Variants in ZNF804B observed in about 807,000 individuals in gnomAD.
ZNF804B encodes zinc finger protein 804B.
Under a neutral mutation model 101.4 loss-of-function variants are expected in ZNF804B, and 80 were observed. That is an observed-to-expected ratio of 0.79 (90% confidence interval 0.66 to 0.95). The LOEUF (loss-of-function observed/expected upper bound fraction) is 0.95. Ranked by LOEUF, ZNF804B falls within the 40% of genes least tolerant of loss-of-function variation. The probability of loss-of-function intolerance (pLI) is 0.00; values close to 1 mark genes in which losing one functional copy is unlikely to be tolerated. For synonymous variants in ZNF804B, 622 were observed against 558.8 expected, an observed-to-expected ratio of 1.11 and a Z score of -1.59; for missense variants, 1,673 against 1,561.9, an observed-to-expected ratio of 1.07 and a Z score of -1.20.
intron 1 of ZNF804B, among the ~76,000 whole-genome samples, chr7:89,097,464 C>T (rs1253383372): frequency 6.6e-6 from 1 of 152,162 alleles, no homozygotes. Context: ...AGAGTGCCAA[C>T]AGGCACCAAA....
chr7:88,824,386 T>C (rs1791026495), intron 1 of ZNF804B, among the ~76,000 whole-genome samples: 1 of 152,146 alleles, frequency 6.6e-6, no homozygotes, highest in African/African-American at 2.4e-5. Context: ...GCTGCCTCCA[T>C]GTGAAGAAGG....
chr7:88,965,499 G>T (rs1415175248), intron 1 of ZNF804B, among the ~76,000 whole-genome samples: 4 of 151,434 alleles, frequency 2.6e-5, no homozygotes, highest in African/African-American at 7.3e-5. Flanking sequence ...CAGTGATGAG[G>T]AGCCTTATGT....
chr7:88,768,255 A>C (rs1200906458), intron 1 of ZNF804B, among the ~76,000 whole-genome samples: 1 of 152,216 alleles, frequency 6.6e-6, no homozygotes, highest in Non-Finnish European at 1.5e-5. Flanking sequence ...CTTATGATTT[A>C]AAAACCACTT....
intron 1 of ZNF804B, among the ~76,000 whole-genome samples, chr7:88,875,491 C>T (rs976900644): frequency 4.4e-4 from 67 of 152,084 alleles, no homozygotes; most frequent in African/African-American, 1.0e-3. Flanking sequence ...ACCACCGATC[C>T]CACAGAAATA....
At chr7:89,012,226 G>A (rs903555919) in intron 1 of ZNF804B, among the ~76,000 whole-genome samples, 10 of 152,030 alleles carry the variant, frequency 6.6e-5, no homozygotes, top group East Asian at 3.9e-4. Flanking sequence ...AAAGGCCCTG[G>A]GCCCTGGCCA....
At chr7:88,921,393 TTG>T (rs1289163317) in intron 1 of ZNF804B, among the ~76,000 whole-genome samples, 1 of 152,106 alleles carries the variant, frequency 6.6e-6, no homozygotes, top group African/African-American at 2.4e-5. Flanking sequence ...ATTCACATTT[TTG>T]GCCCAGAGTA....
At chr7:89,047,573 A>T (rs539640076) in intron 1 of ZNF804B, among the ~76,000 whole-genome samples, 3 of 152,334 alleles carry the variant, frequency 2.0e-5, no homozygotes, top group Non-Finnish European at 4.4e-5. Flanking sequence ...AGAATAAGAT[A>T]GTAATTTATG....
chr7:88,947,535 A>G (rs1402336734), intron 1 of ZNF804B, among the ~76,000 whole-genome samples: 3 of 151,586 alleles, frequency 2.0e-5, no homozygotes, highest in South Asian at 2.1e-4. Context: ...GGCTAGGGGA[A>G]GGGAGGGGTA....
At position 88,958,621 on chromosome 7, in the gene ZNF804B, T is replaced by A. The variant is rs896012643; in HGVS notation, c.108+198537T>A. 4.6e-5 allele frequency among the ~76,000 whole-genome samples: 7 copies of A among 151,556 alleles called. No individual in the cohort carries two copies. In the South Asian group the frequency reaches 8.3e-4, roughly 18 times the overall value. On this transcript the variant is annotated intron_variant, in intron 1 of 3. Transcript: ENST00000333190. ...GCCACCTTGTGGCTCACCATATGTG[T>A]GATTATAATATTTCTGACTTTGAAT... is the stretch of plus-strand genomic sequence containing the variant.
At chr7:88,991,095 CTG>C (rs1461570156) in intron 1 of ZNF804B, among the ~76,000 whole-genome samples, 1 of 152,058 alleles carries the variant, frequency 6.6e-6, no homozygotes, top group East Asian at 1.9e-4. Flanking sequence ...CTTAAAAACA[CTG>C]GGGTTGAAAA....
chr7:89,176,784 G>T (rs1413609160), intron 1 of ZNF804B, among the ~76,000 whole-genome samples: 1 of 150,884 alleles, frequency 6.6e-6, no homozygotes, highest in Admixed American at 6.6e-5. Context: ...TTCCTTGGTG[G>T]GAGACTTTTT....
At chr7:88,972,869 A>G (rs1398436794) in intron 1 of ZNF804B, among the ~76,000 whole-genome samples, 1 of 151,440 alleles carries the variant, frequency 6.6e-6, no homozygotes, top group Non-Finnish European at 1.5e-5. Context: ...AGGAGTACAT[A>G]TAGCGTTATG....
chr7:89,241,586 TA>T (rs1789372661), intron 2 of ZNF804B, among the ~76,000 whole-genome samples: 1 of 152,164 alleles, frequency 6.6e-6, no homozygotes, highest in African/African-American at 2.4e-5. Flanking sequence ...CTAGTTAAAA[TA>T]AATGCTGTCT....
intron 1 of ZNF804B, among the ~76,000 whole-genome samples, chr7:88,809,304 CATCTATCTATCTATCTATCT>C (rs58545685): frequency 0.044 from 6,547 of 148,126 alleles, 198 homozygotes; most frequent in African/African-American, 0.076. Context: ...TATTGCTTGT[CATCTATCTATCTATCTATCT>C]ATCTATCTAT....
At chr7:88,955,232 A>G (rs1367364733) in intron 1 of ZNF804B, among the ~76,000 whole-genome samples, 1 of 151,658 alleles carries the variant, frequency 6.6e-6, no homozygotes, top group Non-Finnish European at 1.5e-5. Flanking sequence ...TGAGTCCTCA[A>G]TAGAAAAAAT....
chr7:88,785,568 A>G (rs144446636), intron 1 of ZNF804B, among the ~76,000 whole-genome samples: 62 of 152,188 alleles, frequency 4.1e-4, no homozygotes, highest in African/African-American at 1.3e-3. Context: ...TTCCATTTCT[A>G]TTAAGATAAG....
intron 1 of ZNF804B, among the ~76,000 whole-genome samples, chr7:88,844,900 T>C (rs1791346229): frequency 6.6e-6 from 1 of 152,246 alleles, no homozygotes; most frequent in South Asian, 2.1e-4. Flanking sequence ...ATTTTGTCTC[T>C]TGAATAAACA....
chr7:88,792,843 T>G (rs986933444), intron 1 of ZNF804B, among the ~76,000 whole-genome samples: 4 of 152,118 alleles, frequency 2.6e-5, no homozygotes, highest in African/African-American at 9.7e-5. Context: ...TAATGAAGTA[T>G]TACAAAATTT....
At chr7:89,221,691 TTTCTATTCTATTCTATTCTA>T (rs61397319) in intron 2 of ZNF804B, among the ~76,000 whole-genome samples, 2,228 of 142,590 alleles carry the variant, frequency 0.016, 36 homozygotes, top group African/African-American at 0.04. Flanking sequence ...TTCCTCAATA[TTTCTATTCTATTCTATTCTA>T]TTCTATTCTA....
Sources: gnomAD v4.1 joint callset for allele counts (sites outside exome capture counted in the v4.1 genomes callset) on GRCh38, gnomAD v4.1.1 for gene constraint, MANE v1.5 for transcripts, NCBI Gene and HGNC (gene_info 2026-07-23, HGNC 2026-07-21) for gene names.